Variants in ESR1 observed in about 807,000 individuals in gnomAD.
ESR1 encodes estrogen receptor.
Under a neutral mutation model 52.7 loss-of-function variants are expected in ESR1, and 12 were observed. That is an observed-to-expected ratio of 0.23 (90% CI 0.15 to 0.37). ESR1 has a LOEUF of 0.37. Among genes scored for constraint, ESR1 ranks in the 10% least tolerant of loss-of-function variants. The pLI is 1.00. For synonymous variants in ESR1, 305 were observed against 316.8 expected, an observed-to-expected ratio of 0.96 and a Z score of 0.39; for missense variants, 584 against 779.7, an observed-to-expected ratio of 0.75 and a Z score of 2.99.
chr6:152,108,279 C>T (rs373046795), intron 6 of ESR1, among the ~76,000 whole-genome samples: 7 of 152,196 alleles, frequency 4.6e-5, no homozygotes, highest in Non-Finnish European at 1.0e-4. Flanking sequence ...ACAAAGCTGT[C>T]GGTCCTTCTA....
intron 2 of ESR1, among the ~76,000 whole-genome samples, chr6:151,864,196 A>T (rs1789418728): frequency 6.6e-6 from 1 of 152,232 alleles, no homozygotes; most frequent in African/African-American, 2.4e-5. Context: ...TACTCATCTG[A>T]CAAAGGGCTA....
chr6:152,088,625 GACCTGCGCTAGC>G (rs1382335710), intron 6 of ESR1, among the ~76,000 whole-genome samples: 1 of 152,160 alleles, frequency 6.6e-6, no homozygotes, highest in Non-Finnish European at 1.5e-5. Context: ...AAGGAAGAGA[GACCTGCGCTAGC>G]ACACTCAGCC....
At chr6:151,999,718 C>G (rs1436517587) in intron 4 of ESR1, among the ~76,000 whole-genome samples, 1 of 152,118 alleles carries the variant, frequency 6.6e-6, no homozygotes, top group Admixed American at 6.6e-5. Context: ...TTCCAGCAGC[C>G]TTTGATCATC....
chr6:152,067,375 G>A (rs574633022), intron 6 of ESR1, among the ~76,000 whole-genome samples: 37 of 152,264 alleles, frequency 2.4e-4, no homozygotes, highest in African/African-American at 8.2e-4. Context: ...TAGATGTTAG[G>A]AGCCATTTTC....
At chr6:151,961,128 C>A (rs1284666370) in intron 4 of ESR1, among the ~76,000 whole-genome samples, 1 of 151,916 alleles carries the variant, frequency 6.6e-6, no homozygotes, top group Non-Finnish European at 1.5e-5. Context: ...AGAGGCTGGA[C>A]TTGATATGAT....
chr6:151,992,961 G>A (rs991675837), intron 4 of ESR1, among the ~76,000 whole-genome samples: 27 of 152,110 alleles, frequency 1.8e-4, no homozygotes, highest in Non-Finnish European at 8.8e-5. Flanking sequence ...TACTTAGCTC[G>A]CTAATTTCAG....
intron 4 of ESR1, among the ~76,000 whole-genome samples, chr6:151,967,279 A>G (rs961510978): frequency 8.5e-5 from 13 of 152,062 alleles, no homozygotes; most frequent in Non-Finnish European, 1.8e-4. Flanking sequence ...GGTTTGCTGC[A>G]CCCACCAACC....
At chr6:151,681,095 C>T (rs1778442330) in intron 1 of ESR1, among the ~76,000 whole-genome samples, 1 of 152,220 alleles carries the variant, frequency 6.6e-6, no homozygotes, top group Admixed American at 6.5e-5. Flanking sequence ...CTCAGTCAAC[C>T]AGTTGGGGCC....
rs578060531 is a variant in ESR1, at chr6:151,907,546, T to A, written c.760+26775T>A. 5.9e-5 allele frequency among the ~76,000 whole-genome samples: 9 copies of A among 152,254 alleles called. No individual in the cohort carries two copies. In the East Asian group the frequency reaches 1.4e-3, roughly 23 times the overall value. On this transcript the variant is annotated intron_variant, in intron 3 of 7. Transcript: ENST00000206249. ...TTTACAAATTTGGGATTATACTGCC[T>A]CTTCATTCAACATTTTCCCATGCTG...
chr6:152,068,649 A>G (rs1489924256), intron 6 of ESR1, among the ~76,000 whole-genome samples: 1 of 152,268 alleles, frequency 6.6e-6, no homozygotes, highest in Non-Finnish European at 1.5e-5. Context: ...AGACAAAAGC[A>G]TAAAATTTTA....
intron 6 of ESR1, among the ~76,000 whole-genome samples, chr6:152,117,414 T>C (rs2051222843): frequency 6.6e-6 from 1 of 152,244 alleles, no homozygotes; most frequent in Non-Finnish European, 1.5e-5. Flanking sequence ...TCTTCTCGAT[T>C]GCCTGTAGCA....
exon 7 of ESR1, chr6:152,126,595 G>A (rs1239487255): frequency 6.6e-6 from 1 of 152,132 alleles, no homozygotes; most frequent in East Asian, 1.9e-4. Flanking sequence ...AGCAAAAAAC[G>A]TGCTTATTTG....
intron 2 of ESR1, among the ~76,000 whole-genome samples, chr6:151,871,503 A>G (rs1790965999): frequency 6.6e-6 from 1 of 152,090 alleles, no homozygotes; most frequent in Non-Finnish European, 1.5e-5. Context: ...TCCTGGGTTC[A>G]AGAGATTCTC....
At chr6:151,831,406 G>C (rs910919711) in intron 1 of ESR1, among the ~76,000 whole-genome samples, 17 of 152,182 alleles carry the variant, frequency 1.1e-4, no homozygotes, top group African/African-American at 4.1e-4. Flanking sequence ...TTCCAGAGCA[G>C]TGAGATTACA....
intron 2 of ESR1, among the ~76,000 whole-genome samples, chr6:151,755,645 T>C (rs973388620): frequency 6.6e-6 from 1 of 151,978 alleles, no homozygotes; most frequent in Non-Finnish European, 1.5e-5. Context: ...CTTTTCTTTT[T>C]TTTTTTACAG....
At chr6:152,026,617 A>G (rs935305507) in intron 5 of ESR1, among the ~76,000 whole-genome samples, 10 of 151,610 alleles carry the variant, frequency 6.6e-5, no homozygotes, top group African/African-American at 2.4e-4. Flanking sequence ...TATATTTATT[A>G]TATATTAAAT....
chr6:152,084,422 AAAAAAAAAAGAAAG>A (rs1174203241), intron 6 of ESR1, among the ~76,000 whole-genome samples: 1 of 91,896 alleles, frequency 1.1e-5, no homozygotes, highest in Non-Finnish European at 1.9e-5. Flanking sequence ...AAAGTATAAT[AAAAAAAAAAGAAAG>A]AAAAGAAAAG....
At chr6:152,023,841 A>G (rs1321123806) in intron 5 of ESR1, among the ~76,000 whole-genome samples, 1 of 152,156 alleles carries the variant, frequency 6.6e-6, no homozygotes, top group Non-Finnish European at 1.5e-5. Context: ...TGCACATGGA[A>G]GTTAGCCTCA....
chr6:151,898,817 C>T (rs925371628), intron 3 of ESR1, among the ~76,000 whole-genome samples: 2 of 152,182 alleles, frequency 1.3e-5, no homozygotes, highest in African/African-American at 4.8e-5. Flanking sequence ...ACAGACACGG[C>T]AACCATCCGA....
Sources: allele counts gnomAD v4.1 joint callset (sites outside exome capture counted in the v4.1 genomes callset), GRCh38; gene constraint gnomAD v4.1.1; transcripts MANE v1.5; gene names NCBI Gene and HGNC (gene_info 2026-07-23, HGNC 2026-07-21).